The following SLC30A7 variants were observed in gnomAD, a reference collection of about 807,000 sequenced individuals.
SLC30A7 encodes zinc transporter 7.
A neutral mutation model predicts 46.0 loss-of-function variants in SLC30A7; 35 were observed. The ratio of observed to expected loss-of-function variants is 0.76; its 90% CI spans 0.58 to 1.01. SLC30A7 has a LOEUF of 1.01. SLC30A7 is among the 50% of genes least tolerant of loss of function. SLC30A7 has a pLI of 0.00. For synonymous variants in SLC30A7, 147 were observed against 157.8 expected, an observed-to-expected ratio of 0.93 and a Z score of 0.51; for missense variants, 464 against 451.1, an observed-to-expected ratio of 1.03 and a Z score of -0.26.
intron 8 of SLC30A7, among the ~76,000 whole-genome samples, chr1:100,926,353 G>A (rs1429512584): frequency 6.6e-6 from 1 of 152,276 alleles, no homozygotes; most frequent in East Asian, 1.9e-4. Flanking sequence ...CATAGTGCTG[G>A]CATCTGCTTA....
intron 10 of SLC30A7, among the ~76,000 whole-genome samples, chr1:100,966,246 A>C (rs1278910720): frequency 6.6e-6 from 1 of 150,450 alleles, no homozygotes; most frequent in Non-Finnish European, 1.5e-5. Flanking sequence ...ATTGCCATTT[A>C]ACATAATAAA....
rs1194378322 is a variant in SLC30A7 at position 100,975,829 on chromosome 1, T to G, written c.*972T>G. ...GTGTGAGCCACCACGCCCGGCTATGTTTTTTTTTTTTTTTTTTTTTTTTTT... is the reference window on the plus strand; with the variant it reads ...GTGTGAGCCACCACGCCCGGCTATGGTTTTTTTTTTTTTTTTTTTTTTTTT... On this transcript the variant is annotated 3_prime_UTR_variant, in exon 11 of 11. Coordinates refer to ENST00000357650, the MANE Select transcript of SLC30A7 (RefSeq NM_133496.5). 1 of 2,894 alleles carries G rather than the reference T, an allele frequency of 3.5e-4. No homozygotes were observed. Among genetic ancestry groups the G allele is most frequent in the African/African-American group, 7.8e-4 (1 of 1,280 alleles). 0.2% of individuals were successfully genotyped at this position (2,894 alleles called of 1,614,324 possible).
intron 8 of SLC30A7, among the ~76,000 whole-genome samples, chr1:100,951,222 G>A: frequency 6.6e-6 from 1 of 152,252 alleles, no homozygotes; most frequent in East Asian, 1.9e-4. Context: ...AAGCAGGGGA[G>A]GGGTATGTCA....
intron 3 of SLC30A7, among the ~76,000 whole-genome samples, chr1:100,909,428 A>T (rs1293870124): frequency 6.6e-6 from 1 of 152,166 alleles, no homozygotes; most frequent in Non-Finnish European, 1.5e-5. Context: ...AGATAGATAC[A>T]TACATACATG....
chr1:100,985,170 G>A (rs1040197790), downstream of SLC30A7, among the ~76,000 whole-genome samples: 3 of 152,122 alleles, frequency 2.0e-5, no homozygotes, highest in Non-Finnish European at 2.9e-5. Context: ...AACAAAGCTC[G>A]GGAACCTGTT....
chr1:100,924,166 A>G (rs1653132294), intron 8 of SLC30A7, among the ~76,000 whole-genome samples: 1 of 152,232 alleles, frequency 6.6e-6, no homozygotes. Flanking sequence ...AAGTATTTAA[A>G]TATTTTAATG....
rs148536596 is a variant in SLC30A7, at chr1:100,915,872, A to G, written c.655+2066A>G. Among the ~76,000 whole-genome samples, 486 of 152,196 alleles carry G rather than the reference A, an allele frequency of 3.2e-3. 2 individuals carry two copies. The highest frequency in any genetic ancestry group is 4.3e-3 in the Non-Finnish European group (294 of 68,008). The stretch of plus-strand genomic sequence containing the variant: ...TACTGTTTTCCATAGTGTCTGCACC[A>G]GTTTACATTGCCACCAGTAGTATAC... On this transcript the variant is annotated intron_variant, in intron 6 of 10. Transcript: ENST00000357650.
intron 8 of SLC30A7, among the ~76,000 whole-genome samples, chr1:100,933,116 C>T (rs1653760543): frequency 6.6e-6 from 1 of 151,888 alleles, no homozygotes; most frequent in African/African-American, 2.4e-5. Flanking sequence ...GCTGGGATTA[C>T]AGGCGTGCAC....
intron 7 of SLC30A7, among the ~76,000 whole-genome samples, chr1:100,919,360 G>C (rs780490933): frequency 6.6e-6 from 1 of 152,068 alleles, no homozygotes; most frequent in Non-Finnish European, 1.5e-5. Flanking sequence ...ACTTCAGTCT[G>C]ACTTTCTGAA....
intron 10 of SLC30A7, among the ~76,000 whole-genome samples, chr1:100,971,740 A>C (rs1384128759): frequency 6.6e-6 from 1 of 152,088 alleles, no homozygotes; most frequent in Non-Finnish European, 1.5e-5. Flanking sequence ...TATTTTGCTA[A>C]CTCTGAAATG....
intron 3 of SLC30A7, among the ~76,000 whole-genome samples, chr1:100,910,441 A>G (rs1652010182): frequency 6.6e-6 from 1 of 152,182 alleles, no homozygotes; most frequent in South Asian, 2.1e-4. Context: ...AATTAGAATT[A>G]TGTGAAGCTA....
chr1:100,989,282 C>G, the SLC30A7 span, among the ~76,000 whole-genome samples: 1 of 152,138 alleles, frequency 6.6e-6, no homozygotes, highest in Non-Finnish European at 1.5e-5. Context: ...ATTTTGTAGT[C>G]AGCAAGTTTT....
chr1:100,971,039 T>G (rs929782035), intron 10 of SLC30A7, among the ~76,000 whole-genome samples: 1 of 152,240 alleles, frequency 6.6e-6, no homozygotes, highest in South Asian at 2.1e-4. Flanking sequence ...TTGTGCCTGA[T>G]AAGTCCTAAG....
chr1:100,898,551 T>C (rs550337068), intron 2 of SLC30A7, among the ~76,000 whole-genome samples: 174 of 152,328 alleles, frequency 1.1e-3, no homozygotes, highest in Middle Eastern at 3.4e-3. Context: ...CACGTATCCG[T>C]CATCTCATGC....
Position 100,977,964 on chromosome 1 carries a change from G to A in SLC30A7, c.*3107G>A, listed in dbSNP as rs1432468170. On this transcript the variant is annotated 3_prime_UTR_variant, in exon 11 of 11. Transcript: ENST00000357650. The stretch of plus-strand genomic sequence containing the variant: ...AGACAGGGTTTCACCACGTTGGCCA[G>A]GGTGGTCTTGGACTCCTGACCTCAG... 2 of 152,232 alleles carry A rather than the reference G, an allele frequency of 1.3e-5. No homozygotes were observed. Among genetic ancestry groups the A allele is most frequent in the Admixed American group, 1.3e-4 (2 of 15,282 alleles). 9.4% of individuals were successfully genotyped at this position (152,232 alleles called of 1,614,324 possible).
At chr1:100,971,685 C>G (rs147038270) in intron 10 of SLC30A7, among the ~76,000 whole-genome samples, 101 of 152,228 alleles carry the variant, frequency 6.6e-4, no homozygotes, top group African/African-American at 2.4e-3. Flanking sequence ...AAAACCCACA[C>G]TCAAGTTACT....
At chr1:100,926,137 C>G (rs943842664) in intron 8 of SLC30A7, among the ~76,000 whole-genome samples, 5 of 152,182 alleles carry the variant, frequency 3.3e-5, no homozygotes, top group Non-Finnish European at 7.3e-5. Flanking sequence ...ATAAACTTCT[C>G]TGTAACTTAC....
chr1:100,896,909 C>T (rs1165469016), intron 2 of SLC30A7, among the ~76,000 whole-genome samples: 5 of 152,120 alleles, frequency 3.3e-5, no homozygotes, highest in African/African-American at 1.2e-4. Flanking sequence ...TTCCATCAGA[C>T]AAGACTGACA....
At chr1:100,914,722 G>C (rs757131470) in intron 6 of SLC30A7, among the ~76,000 whole-genome samples, 2 of 152,096 alleles carry the variant, frequency 1.3e-5, no homozygotes, top group African/African-American at 4.8e-5. Flanking sequence ...GTATTATCTT[G>C]TATTTGCAAC....
Sources: gnomAD v4.1 joint callset for allele counts (sites outside exome capture counted in the v4.1 genomes callset) on GRCh38, gnomAD v4.1.1 for gene constraint, MANE v1.5 for transcripts, NCBI Gene and HGNC (gene_info 2026-07-23, HGNC 2026-07-21) for gene names.